OLFML2B: variants seen among roughly 807,000 people sequenced by gnomAD.
OLFML2B encodes olfactomedin like 2B, also known as olfactomedin-like protein 2B.
A neutral mutation model predicts 74.9 loss-of-function variants in OLFML2B; 57 were observed. The observed-to-expected ratio is 0.76, with a 90% CI of 0.61 to 0.95. The LOEUF (loss-of-function observed/expected upper bound fraction) is 0.95, where lower values mean the gene tolerates loss of function less well. OLFML2B is among the 40% of genes least tolerant of loss of function. OLFML2B has a pLI of 0.00. For missense variants in OLFML2B, 986 were observed against 970.6 expected, an observed-to-expected ratio of 1.02 and a Z score of -0.21; for synonymous variants, 388 against 405.8, an observed-to-expected ratio of 0.96 and a Z score of 0.53.
At chr1:162,009,779 T>A (rs1690324938) in intron 3 of OLFML2B, among the ~76,000 whole-genome samples, 1 of 152,268 alleles carries the variant, frequency 6.6e-6, no homozygotes. Context: ...GTCAGCCACC[T>A]CCAACCTGGG....
chr1:161,997,515 C>A (rs972431356), intron 6 of OLFML2B, among the ~76,000 whole-genome samples: 2 of 152,166 alleles, frequency 1.3e-5, no homozygotes, highest in Non-Finnish European at 2.9e-5. Context: ...ACCTCAATAG[C>A]CATCACAAAG....
Position 162,023,261 on chromosome 1 carries a change from G to C in OLFML2B, c.170C>G (p.Ser57Cys), listed in dbSNP as rs754774247. Reference protein sequence around the residue: ...NEADNQENVLSQLLGDYDKVK... With the variant: ...NEADNQENVLCQLLGDYDKVK... ...TCGTGGCACTCTGCATCCTACCTGA[G>C]ATAAAACGTTCTCCTGGTTGTCCGC... is the stretch of plus-strand genomic sequence containing the variant. Residue 57 changes from serine to cysteine, a missense_variant, in exon 1 of 8, where the codon TCT becomes TGT. Physicochemically the swap from Ser to Cys is moderately radical, Grantham distance 112. Coordinates refer to ENST00000294794, the MANE Select transcript of OLFML2B (RefSeq NM_015441.3). 9 of 1,538,546 alleles carry C rather than the reference G, an allele frequency of 5.8e-6. No individual in the cohort carries two copies. The highest frequency in any genetic ancestry group is 7.9e-6 in the Non-Finnish European group (9 of 1,135,642).
chr1:162,021,047 G>A (rs150869942), intron 1 of OLFML2B, among the ~76,000 whole-genome samples: 1 of 152,358 alleles, frequency 6.6e-6, no homozygotes, highest in African/African-American at 2.4e-5. Flanking sequence ...AGAGTACAGA[G>A]TGATAAGTGC....
chr1:161,997,720 A>T (rs1432562808), intron 6 of OLFML2B, 105 bp downstream of exon 6: 31 of 1,229,144 alleles, frequency 2.5e-5, no homozygotes, highest in Non-Finnish European at 3.1e-5. Context: ...CATTCCCATA[A>T]AGAACTTTGA....
chr1:162,015,322 G>A (rs867013745), intron 3 of OLFML2B, among the ~76,000 whole-genome samples: 20 of 152,152 alleles, frequency 1.3e-4, no homozygotes, highest in African/African-American at 7.2e-5. Context: ...AGCAGGGAGG[G>A]CTCAGCTGCT....
chr1:162,006,307 G>T lies in OLFML2B; in HGVS notation c.713C>A (p.Ala238Asp), dbSNP rs951965691. 8.2e-6 allele frequency: 13 copies of T among 1,592,510 alleles called. No individual in the cohort carries two copies. Among genetic ancestry groups the T allele is most frequent in the African/African-American group, 5.4e-5 (4 of 73,400 alleles). ...AGGCTGGGGCTATACCTCTGGGTGG[G>T]CGTAGGCTGCTGCTGCATCCCTCTG... ...ALQRDAAAAY[A>D]HPEYEERFLQ... Residue 238 changes from alanine (A) to aspartate (D), a missense_variant, in exon 4 of 8, where the codon GCC becomes GAC. Physicochemically the swap from Ala to Asp is moderately radical, Grantham distance 126. Coordinates refer to ENST00000294794, the MANE Select transcript of OLFML2B (RefSeq NM_015441.3).
intron 6 of OLFML2B, among the ~76,000 whole-genome samples, chr1:161,986,606 G>C (rs1293344823): frequency 6.6e-6 from 1 of 152,224 alleles, no homozygotes; most frequent in Non-Finnish European, 1.5e-5. Context: ...TTCCCCCAGA[G>C]CTGAGCTCAT....
chr1:161,997,934 G>C lies in OLFML2B; in HGVS notation c.1365C>G (p.Thr455=). The change falls in exon 6 of 8, where the codon ACC becomes ACG. Residue 455 remains threonine, a synonymous_variant. Coordinates refer to ENST00000294794, the MANE Select transcript of OLFML2B (RefSeq NM_015441.3). The part of the protein sequence containing the change: ...EAMHTVPVPP[T]TVRTDSLGKD... The stretch of plus-strand genomic sequence containing the variant: ...TCCCCAGCGAGTCTGTTCTGACTGT[G>C]GTGGGAGGCACTGGGACTGTGTGCA... The C allele has an allele frequency of 1.9e-6, 3 of 1,614,234 alleles. No homozygotes were observed. The highest frequency in any genetic ancestry group is 2.5e-6 in the Non-Finnish European group (3 of 1,180,046).
chr1:162,023,029 TCA>T (rs992184039), intron 1 of OLFML2B, among the ~76,000 whole-genome samples: 3 of 152,176 alleles, frequency 2.0e-5, no homozygotes, highest in Non-Finnish European at 2.9e-5. Flanking sequence ...TTCCCTTCCT[TCA>T]CCTCTCCTTT....
At chr1:162,017,359 C>T (rs376809670) in intron 3 of OLFML2B, 41 bp downstream of exon 3, 87 of 1,494,780 alleles carry the variant, frequency 5.8e-5, no homozygotes, top group Non-Finnish European at 7.5e-5. Context: ...TGCTTTTGGG[C>T]TCAATCAAGA....
chr1:162,006,270 A>G, intron 4 of OLFML2B, 27 bp downstream of exon 4: 1 of 1,524,074 alleles, frequency 6.6e-7, no homozygotes, highest in Non-Finnish European at 8.8e-7. Context: ...GCTTGTGATC[A>G]GAGGCCCTTG....
rs756321984 is a variant in OLFML2B at position 161,997,960 on chromosome 1, T to C, written c.1339A>G (p.Met447Val). The C allele has an allele frequency of 1.1e-5, 18 of 1,614,100 alleles. No homozygotes were observed. In the African/African-American group the frequency reaches 2.4e-4, roughly 22 times the overall value. ...VSPREALMEA[M>V]HTVPVPPTTV... ...GTGGGAGGCACTGGGACTGTGTGCA[T>C]AGCTTCCATCAATGCCTCCCTGGGA... The change falls in exon 6 of 8, where the codon ATG becomes GTG. Residue 447 changes from methionine to valine, a missense_variant. Physicochemically the swap from Met to Val is conservative, Grantham distance 21 (BLOSUM62 1). Coordinates refer to ENST00000294794, the MANE Select transcript of OLFML2B (RefSeq NM_015441.3).
In OLFML2B at chr1:162,006,499, C is replaced by G. The variant is rs16837985; in HGVS notation, c.547-26G>C. On this transcript the variant is annotated intron_variant, in intron 3 of 7. Transcript: ENST00000294794. ...CTGAGAAGGAAAAAAAAAAGATGAT[C>G]CATTAAAGCACCCTGAAGACAAGCA... 6,320 of 1,532,448 alleles carry G rather than the reference C, an allele frequency of 4.1e-3. 208 individuals are homozygous for G. The African/African-American group carries it at 0.076, about 18-fold the overall frequency. The allele number at this position is 1,532,448 out of a possible 1,614,324, so 94.9% of individuals were successfully genotyped here.
Position 162,008,964 on chromosome 1 carries a change from CT to C in OLFML2B, c.547-2492del, listed in dbSNP as rs561366423. Among the ~76,000 whole-genome samples the C allele has an allele frequency of 8.7e-4, 132 of 152,318 alleles. 1 individual carries two copies. The highest frequency in any genetic ancestry group is 3.1e-3 in the African/African-American group (128 of 41,572). On this transcript the variant is annotated intron_variant, in intron 3 of 7. Transcript: ENST00000294794. ...CTGAGAGCAACACCTGTGGATGCCCCTCCTGTAGCTCTCACAGCCTAAGACA... is the reference window on the plus strand; with the variant it reads ...CTGAGAGCAACACCTGTGGATGCCCCCCTGTAGCTCTCACAGCCTAAGACA...
At chr1:161,993,669 C>T (rs913714212) in intron 6 of OLFML2B, among the ~76,000 whole-genome samples, 17 of 152,184 alleles carry the variant, frequency 1.1e-4, no homozygotes, top group Admixed American at 6.5e-5. Flanking sequence ...TCGACCCCAT[C>T]TGTGCTGGCG....
At chr1:162,019,628 T>C (rs6427645) in intron 2 of OLFML2B, among the ~76,000 whole-genome samples, 137,344 of 152,198 alleles carry the variant, frequency 0.9, 62,018 homozygotes, top group Admixed American at 0.92. Flanking sequence ...AGCAATTTTC[T>C]TGAAGAACGC....
At chr1:162,008,313 A>G (rs961903457) in intron 3 of OLFML2B, among the ~76,000 whole-genome samples, 12 of 152,222 alleles carry the variant, frequency 7.9e-5, no homozygotes, top group Admixed American at 3.3e-4. Context: ...AATGGACCCA[A>G]GAACTCATGA....
chr1:161,990,065 C>T (rs1689693369), intron 6 of OLFML2B, among the ~76,000 whole-genome samples: 1 of 152,176 alleles, frequency 6.6e-6, no homozygotes, highest in Non-Finnish European at 1.5e-5. Flanking sequence ...CTCATAGTTC[C>T]GTTTCTTTTT....
chr1:162,000,174 G>A lies in OLFML2B; in HGVS notation c.888C>T (p.Ile296=). Residue 296 remains isoleucine (I), a synonymous_variant, in exon 5 of 8, where the codon ATC becomes ATT. Transcript: ENST00000294794. ...RGRPASQPTV[I]RGITYYKAKV... ...TGGCTTTATAGTAGGTGATGCCCCG[G>A]ATGACAGTGGGCTGGGAGGCCGGCC... is the stretch of plus-strand genomic sequence containing the variant. 6.2e-7 allele frequency: 1 copy of A among 1,613,514 alleles called. No homozygotes were observed. Among genetic ancestry groups the A allele is most frequent in the Non-Finnish European group, 8.5e-7 (1 of 1,179,606 alleles).
Sources: gnomAD v4.1 joint callset for allele counts (sites outside exome capture counted in the v4.1 genomes callset) on GRCh38, gnomAD v4.1.1 for gene constraint, MANE v1.5 for transcripts, NCBI Gene and HGNC (gene_info 2026-07-23, HGNC 2026-07-21) for gene names.